Variants in PTBP2 observed in about 807,000 individuals in gnomAD.
The protein encoded by PTBP2 is polypyrimidine tract binding protein 2, also known as polypyrimidine tract-binding protein 2.
Under a neutral mutation model 61.4 loss-of-function variants are expected in PTBP2, and 13 were observed. The observed-to-expected ratio is 0.21, with a 90% CI of 0.14 to 0.34. PTBP2 has a LOEUF of 0.34. Ranked by LOEUF, PTBP2 falls within the 10% of genes least tolerant of loss-of-function variation. The probability of loss-of-function intolerance (pLI) is 1.00; values close to 1 mark genes in which losing one functional copy is unlikely to be tolerated. For synonymous variants in PTBP2, 215 were observed against 218.5 expected (o/e 0.98, Z 0.14); for missense variants, 405 against 642.6 (o/e 0.63, Z 4.00).
chr1:96,806,983 A>G (rs750406445), intron 11 of PTBP2, 25 bp downstream of exon 11: 16 of 1,507,734 alleles, frequency 1.1e-5, no homozygotes, highest in Middle Eastern at 1.7e-4. Context: ...TGTTTTATCT[A>G]TACATCTTCA....
chr1:96,761,346 A>ATTGTGTG lies in PTBP2; in HGVS notation c.116-8356_116-8355insTGTGTGT, dbSNP rs375632927. ...AGCAGGGGCCTAGATGTGGGATTTG[A>ATTGTGTG]TGTGTGTGTGTGTGTGTGTGTGTGT... On this transcript the variant is annotated intron_variant, in intron 3 of 13. Coordinates refer to ENST00000674951, the MANE Select transcript of PTBP2 (RefSeq NM_021190.4). 6.8e-4 allele frequency among the ~76,000 whole-genome samples: 96 copies of ATTGTGTG among 140,574 alleles called. No individual in the cohort carries two copies. In the Middle Eastern group the frequency reaches 0.011, roughly 16 times the overall value. 92.2% of individuals were successfully genotyped at this position (140,574 alleles called of 152,430 possible).
chr1:96,779,137 T>C (rs997610464), intron 7 of PTBP2, among the ~76,000 whole-genome samples: 27 of 152,238 alleles, frequency 1.8e-4, no homozygotes, highest in African/African-American at 6.5e-4. Context: ...TAATCTAATC[T>C]TACTGTGCTT....
At chr1:96,730,098 G>T (rs1651201246) in intron 2 of PTBP2, among the ~76,000 whole-genome samples, 1 of 151,950 alleles carries the variant, frequency 6.6e-6, no homozygotes, top group Admixed American at 6.6e-5. Context: ...TTCCCAGTAG[G>T]GATAATTTGT....
chr1:96,790,614 A>G (rs1459323353), intron 8 of PTBP2, among the ~76,000 whole-genome samples: 10 of 152,320 alleles, frequency 6.6e-5, no homozygotes, highest in Admixed American at 2.0e-4. Flanking sequence ...GTGCAGGACA[A>G]TTAGTTAAAT....
chr1:96,760,694 G>A (rs907599729), intron 3 of PTBP2, among the ~76,000 whole-genome samples: 2 of 152,118 alleles, frequency 1.3e-5, no homozygotes, highest in Middle Eastern at 3.4e-3. Context: ...ATCTGCCCAC[G>A]TCGGCCTCCC....
chr1:96,822,849 T>G lies in PTBP2; in HGVS notation c.*9444T>G, dbSNP rs182282295. Reference sequence around the variant, plus strand: ...CAAAACCATGGAAGAAACATGCATGTTTTTGAATTGTCTTTCCATGGTAAC... The same window carrying G: ...CAAAACCATGGAAGAAACATGCATGGTTTTGAATTGTCTTTCCATGGTAAC... On this transcript the variant is annotated 3_prime_UTR_variant, in exon 14 of 14. Coordinates refer to the PTBP2 transcript ENST00000609116. 7.2e-5 allele frequency: 11 copies of G among 152,298 alleles called. No individual in the cohort carries two copies. The East Asian group carries it at 7.7e-4, about 11-fold the overall frequency. 9.4% of individuals were successfully genotyped at this position (152,298 alleles called of 1,614,324 possible). A position where few individuals can be genotyped will look rare whatever the true frequency, so the allele number is the denominator to read the frequency against.
At chr1:96,805,317 A>C (rs911125284) in intron 9 of PTBP2, among the ~76,000 whole-genome samples, 2 of 152,010 alleles carry the variant, frequency 1.3e-5, no homozygotes, top group Non-Finnish European at 2.9e-5. Flanking sequence ...TTGCTTGTTC[A>C]TTTCATGCTT....
chr1:96,817,857 T>C (rs567410448), downstream of PTBP2: 8 of 152,126 alleles, frequency 5.3e-5, no homozygotes, highest in East Asian at 1.9e-4. Context: ...TAATATGATA[T>C]TGGGTGTTTA....
At chr1:96,764,388 G>A (rs1258546742) in intron 3 of PTBP2, among the ~76,000 whole-genome samples, 3 of 152,190 alleles carry the variant, frequency 2.0e-5, no homozygotes, top group Admixed American at 6.5e-5. Context: ...CTATTTAGCA[G>A]TGACTATGAG....
chr1:96,747,971 CAG>C (rs1654062478), intron 2 of PTBP2, among the ~76,000 whole-genome samples: 1 of 151,780 alleles, frequency 6.6e-6, no homozygotes, highest in African/African-American at 2.4e-5. Flanking sequence ...TTGCGTGAGT[CAG>C]GGCTTTTGCA....
At chr1:96,809,559 G>A (rs540801656) in intron 11 of PTBP2, among the ~76,000 whole-genome samples, 1 of 152,110 alleles carries the variant, frequency 6.6e-6, no homozygotes, top group South Asian at 2.1e-4. Flanking sequence ...GTCCCCCAGG[G>A]TGGAGTGCAG....
rs1232683663 is a variant in PTBP2 at position 96,739,618 on chromosome 1, G to GGTTTTTTTTTTTTTTTTTTTT, written c.40-11807_40-11806insGTTTTTTTTTTTTTTTTTTTT. ...GCTACAAAATCTGAAACTGGTGTGTGTTTTTTTTTTTTTTTTTTTTTTTTT... is the reference window on the plus strand; with the variant it reads ...GCTACAAAATCTGAAACTGGTGTGTGGTTTTTTTTTTTTTTTTTTTTTTTTTTTTTTTTTTTTTTTTTTTTT... On this transcript the variant is annotated intron_variant, in intron 2 of 13. Coordinates refer to ENST00000674951, the MANE Select transcript of PTBP2 (RefSeq NM_021190.4). Among the ~76,000 whole-genome samples, 3 of 83,802 alleles carry GGTTTTTTTTTTTTTTTTTTTT rather than the reference G, an allele frequency of 3.6e-5. 1 individual carries two copies. Among genetic ancestry groups the GGTTTTTTTTTTTTTTTTTTTT allele is most frequent in the Non-Finnish European group, 6.6e-5 (3 of 45,264 alleles). The allele number at this position is 83,802 out of a possible 152,430, so 55.0% of individuals were successfully genotyped here.
chr1:96,771,062 G>T, intron 5 of PTBP2: 2 of 381,350 alleles, frequency 5.2e-6, no homozygotes, highest in Non-Finnish European at 9.2e-6. Flanking sequence ...TCTTTTTCTT[G>T]TTGCAAGTTA....
At position 96,783,761 on chromosome 1, in the gene PTBP2, C is replaced by G. The variant is rs562248349; in HGVS notation, c.709-1298C>G. Among the ~76,000 whole-genome samples, 85 of 152,120 alleles carry G rather than the reference C, an allele frequency of 5.6e-4. 1 individual carries two copies. Among genetic ancestry groups the G allele is most frequent in the Admixed American group, 7.9e-4 (12 of 15,280 alleles). On this transcript the variant is annotated intron_variant, in intron 7 of 13. Transcript: ENST00000674951. ...TACCTATCTTCAGTGCTTTCTTCAC[C>G]TTTACACCAGGGTATTCAATTAATA...
chr1:96,742,285 A>G (rs1331897128), intron 2 of PTBP2, among the ~76,000 whole-genome samples: 3 of 152,220 alleles, frequency 2.0e-5, no homozygotes, highest in Non-Finnish European at 2.9e-5. Flanking sequence ...ATATATTAAA[A>G]GGATTTTAAA....
At chr1:96,822,561 C>T (rs1222814341) in exon 14 of PTBP2, 1 of 152,118 alleles carries the variant, frequency 6.6e-6, no homozygotes, top group African/African-American at 2.4e-5. Context: ...AATTTATGTT[C>T]ATTAAAATAT....
At chr1:96,819,666 C>T (rs1194080918), downstream of PTBP2, 1 of 73,950 alleles carries the variant, frequency 1.4e-5, no homozygotes, top group African/African-American at 6.4e-5. Flanking sequence ...TTTAAAACCT[C>T]CCTCCCCCCA....
intron 2 of PTBP2, among the ~76,000 whole-genome samples, chr1:96,749,249 A>G (rs1177896321): frequency 6.6e-6 from 1 of 152,162 alleles, no homozygotes; most frequent in South Asian, 2.1e-4. Flanking sequence ...TCGTCTTCCA[A>G]AGTTACTTGT....
At chr1:96,748,503 T>G (rs1021570851) in intron 2 of PTBP2, among the ~76,000 whole-genome samples, 2 of 152,170 alleles carry the variant, frequency 1.3e-5, no homozygotes, top group Non-Finnish European at 2.9e-5. Flanking sequence ...ATTTTCTTGT[T>G]TCTGTGGGAT....
Sources: allele counts gnomAD v4.1 joint callset (sites outside exome capture counted in the v4.1 genomes callset), GRCh38; gene constraint gnomAD v4.1.1; transcripts MANE v1.5; gene names NCBI Gene and HGNC (gene_info 2026-07-23, HGNC 2026-07-21).